Variants in NFU1 observed in about 807,000 individuals in gnomAD.
NFU1 encodes NFU1 iron-sulfur cluster scaffold homolog, mitochondrial.
Under a neutral mutation model 32.2 loss-of-function variants are expected in NFU1, and 30 were observed. The observed-to-expected ratio is 0.93, with a 90% CI of 0.70 to 1.26. The LOEUF (loss-of-function observed/expected upper bound fraction) is 1.26, where lower values mean the gene tolerates loss of function less well. Ranked by LOEUF, NFU1 falls within the 50% of genes most tolerant of loss-of-function variation. NFU1 has a pLI of 0.00. For synonymous variants in NFU1, 112 were observed against 104.6 expected, an observed-to-expected ratio of 1.07 and a Z score of -0.43; for missense variants, 306 against 306.6, an observed-to-expected ratio of 1.00 and a Z score of 0.02.
At chr2:69,434,287 A>T (rs1411642125) in intron 1 of NFU1, among the ~76,000 whole-genome samples, 2 of 151,562 alleles carry the variant, frequency 1.3e-5, no homozygotes, top group Non-Finnish European at 2.9e-5. Context: ...GGGATTATAG[A>T]TGCCCACCAC....
intron 3 of NFU1, among the ~76,000 whole-genome samples, chr2:69,419,872 T>A (rs1673183011): frequency 1.3e-5 from 2 of 152,264 alleles, no homozygotes; most frequent in Middle Eastern, 3.4e-3. Flanking sequence ...TAGCCACACA[T>A]ACAGAAAAAT....
chr2:69,429,711 G>C (rs115522592), intron 2 of NFU1, among the ~76,000 whole-genome samples: 1,942 of 152,014 alleles, frequency 0.013, 13 homozygotes, highest in Non-Finnish European at 0.019. Context: ...TTTTACTGTT[G>C]ACAATAAATA....
At chr2:69,437,608 A>G (rs1406600671), upstream of NFU1, 4 of 725,352 alleles carry the variant, frequency 5.5e-6, no homozygotes, top group East Asian at 1.1e-4. Flanking sequence ...CCTGACCAAG[A>G]GAGGCCGGGG....
At chr2:69,396,080 G>A (rs1672321065), downstream of NFU1, 1 of 599,420 alleles carries the variant, frequency 1.7e-6, no homozygotes, top group Non-Finnish European at 2.9e-6. Context: ...GATTCAAGAG[G>A]TTATAAATAA....
At chr2:69,397,696 T>C (rs1180996280) in intron 7 of NFU1, among the ~76,000 whole-genome samples, 2 of 151,896 alleles carry the variant, frequency 1.3e-5, no homozygotes, top group Admixed American at 6.6e-5. Flanking sequence ...GTGGATCACC[T>C]GAGGTCAAGA....
intron 4 of NFU1, among the ~76,000 whole-genome samples, chr2:69,415,770 C>T (rs1391678052): frequency 2.0e-5 from 3 of 152,048 alleles, no homozygotes; most frequent in Non-Finnish European, 2.9e-5. Context: ...CCACCCACCC[C>T]GGCCTCCCAA....
At chr2:69,413,066 A>G (rs552105689) in intron 5 of NFU1, among the ~76,000 whole-genome samples, 5 of 151,742 alleles carry the variant, frequency 3.3e-5, no homozygotes, top group African/African-American at 1.2e-4. Flanking sequence ...AGGCTGAGGC[A>G]GATGGATCAG....
At chr2:69,425,167 C>T (rs975664366) in intron 2 of NFU1, among the ~76,000 whole-genome samples, 1 of 151,638 alleles carries the variant, frequency 6.6e-6, no homozygotes, top group African/African-American at 2.4e-5. Flanking sequence ...TGTGAGCCAC[C>T]GCGCCCAGCC....
chr2:69,422,661 A>T (rs1673284641), intron 3 of NFU1, among the ~76,000 whole-genome samples: 1 of 152,070 alleles, frequency 6.6e-6, no homozygotes, highest in South Asian at 2.1e-4. Flanking sequence ...CATGCTATAG[A>T]TCTCTCAAAT....
At chr2:69,439,478 G>A (rs1439721765), upstream of NFU1, among the ~76,000 whole-genome samples, 5 of 152,124 alleles carry the variant, frequency 3.3e-5, no homozygotes, top group Non-Finnish European at 5.9e-5. Context: ...AAGACAGCAC[G>A]GGCCCAAAGA....
At position 69,406,666 on chromosome 2, in the gene NFU1, G is replaced by A. The variant is rs117612708; in HGVS notation, c.485-584C>T. ...GCTCACTGCAGCCTCAACCTCCTGG[G>A]CTCAAGCAGTCCTCCTGCCTCAGCC... On this transcript the variant is annotated intron_variant, in intron 5 of 7. Coordinates refer to ENST00000410022, the MANE Select transcript of NFU1 (RefSeq NM_001002755.4). Among the ~76,000 whole-genome samples, 2,338 of 152,236 alleles carry A rather than the reference G, an allele frequency of 0.015. 132 individuals carry two copies. In the East Asian group the frequency reaches 0.18, roughly 12 times the overall value.
At chr2:69,437,640 C>G (rs867720225), upstream of NFU1, 1 of 650,424 alleles carries the variant, frequency 1.5e-6, no homozygotes, top group Non-Finnish European at 2.8e-6. Context: ...TTTGCGCCAA[C>G]GCTTGGTTAA....
At chr2:69,404,945 G>A in intron 6 of NFU1, among the ~76,000 whole-genome samples, 1 of 151,320 alleles carries the variant, frequency 6.6e-6, no homozygotes, top group African/African-American at 2.4e-5. Context: ...ACAATACATT[G>A]TTACTAACTA....
intron 5 of NFU1, among the ~76,000 whole-genome samples, chr2:69,410,576 A>G (rs1366726394): frequency 1.3e-5 from 2 of 152,206 alleles, no homozygotes; most frequent in African/African-American, 4.8e-5. Flanking sequence ...TTCCTATCTG[A>G]TAAGGTTATT....
At chr2:69,409,191 A>G (rs1370966550) in intron 5 of NFU1, among the ~76,000 whole-genome samples, 5 of 152,196 alleles carry the variant, frequency 3.3e-5, no homozygotes, top group Non-Finnish European at 5.9e-5. Context: ...CTAAAAAGTT[A>G]TAAGGTTTAC....
At chr2:69,409,869 G>A (rs1229295433) in intron 5 of NFU1, among the ~76,000 whole-genome samples, 1 of 152,114 alleles carries the variant, frequency 6.6e-6, no homozygotes, top group East Asian at 1.9e-4. Context: ...CTCCAACACT[G>A]GGGATCAAAT....
chr2:69,410,477 A>G (rs1168530326), intron 5 of NFU1, among the ~76,000 whole-genome samples: 7 of 152,216 alleles, frequency 4.6e-5, no homozygotes, highest in African/African-American at 1.7e-4. Flanking sequence ...GTTCTTATCT[A>G]TCTCTGCCAC....
upstream of NFU1, among the ~76,000 whole-genome samples, chr2:69,438,801 C>A (rs745653054): frequency 6.6e-6 from 1 of 151,966 alleles, no homozygotes; most frequent in Non-Finnish European, 1.5e-5. Context: ...GTGCCTCCTA[C>A]GAGTTTGGTT....
intron 7 of NFU1, chr2:69,399,251 G>T: frequency 1.2e-5 from 4 of 343,296 alleles, no homozygotes; most frequent in East Asian, 9.6e-5. Context: ...GAAATTCTGT[G>T]GGTTGGAAAT....
Sources: gnomAD v4.1 joint callset for allele counts (sites outside exome capture counted in the v4.1 genomes callset) on GRCh38, gnomAD v4.1.1 for gene constraint, MANE v1.5 for transcripts, NCBI Gene and HGNC (gene_info 2026-07-23, HGNC 2026-07-21) for gene names.